GAD1: variants seen among roughly 807,000 people sequenced by gnomAD.
GAD1 encodes 67 kDa glutamic acid decarboxylase.
In GAD1, 35 loss-of-function variants were observed where a neutral mutation model predicts 75.2. The ratio of observed to expected loss-of-function variants is 0.47; its 90% CI spans 0.36 to 0.62. The LOEUF is 0.62. Among genes scored for constraint, GAD1 ranks in the 20% least tolerant of loss-of-function variants. The probability of loss-of-function intolerance (pLI) is 0.00; values close to 1 mark genes in which losing one functional copy is unlikely to be tolerated. For synonymous variants in GAD1, 257 were observed against 271.9 expected, an observed-to-expected ratio of 0.95 and a Z score of 0.54; for missense variants, 490 against 758.5, an observed-to-expected ratio of 0.65 and a Z score of 4.16.
In GAD1 at chr2:170,831,014, A is replaced by G; in HGVS notation, c.369A>G (p.Ile123Met). Reference protein sequence around the residue: ...TVQFLLEVVDILLNYVRKTFD... With the variant: ...TVQFLLEVVDMLLNYVRKTFD... ...AATTCCTCCTGGAAGTGGTGGACAT[A>G]CTCCTCAACTATGTCCGCAAGACAT... The change falls in exon 5 of 17, where the codon ATA (isoleucine) becomes ATG (methionine). Residue 123 changes from isoleucine to methionine, a missense_variant. By Grantham distance (10) the Ile-to-Met change is conservative (BLOSUM62 1). Coordinates refer to ENST00000358196, the MANE Select transcript of GAD1 (RefSeq NM_000817.3). 1 of 1,613,996 alleles carries G rather than the reference A, an allele frequency of 6.2e-7. No individual in the cohort carries two copies.
chr2:170,848,862 G>C, intron 11 of GAD1: 2 of 505,180 alleles, frequency 4.0e-6, no homozygotes, highest in South Asian at 2.9e-5. Context: ...AGGAACTGCT[G>C]CTTTTTGAGT....
chr2:170,858,911 G>A lies in GAD1; in HGVS notation c.1611+18G>A, dbSNP rs1224032911. On this transcript the variant is annotated intron_variant, in intron 16 of 16. Transcript: ENST00000358196. ...TACACAAGGTATGGACTTGCTTTTT[G>A]TCTCATCTAATCCTCTGCAATTTCT... is the stretch of plus-strand genomic sequence containing the variant. 2 of 1,604,068 alleles carry A rather than the reference G, an allele frequency of 1.2e-6. No homozygotes were observed. Among genetic ancestry groups the A allele is most frequent in the South Asian group, 1.1e-5 (1 of 90,820 alleles).
intron 2 of GAD1, among the ~76,000 whole-genome samples, chr2:170,819,138 C>T (rs532831745): frequency 6.6e-6 from 1 of 152,140 alleles, no homozygotes; most frequent in Admixed American, 6.5e-5. Context: ...GCGGAAATTT[C>T]GACGTTAATT....
Position 170,818,797 on chromosome 2 carries a change from A to T in GAD1, c.82+124A>T. The stretch of plus-strand genomic sequence containing the variant: ...GGAGATAATGGAGGCTGGGAAATAA[A>T]TGGGGCTCTGACCCCGTCCCTGCCA... On this transcript the variant is annotated intron_variant, in intron 2 of 16. Transcript: ENST00000358196. The surrounding 1 kb of genome is among the most constrained non-coding windows in gnomAD (Gnocchi z 5.9). 3 of 866,820 alleles carry T rather than the reference A, an allele frequency of 3.5e-6. No individual in the cohort carries two copies. Among genetic ancestry groups the T allele is most frequent in the Non-Finnish European group, 3.7e-6 (2 of 535,460 alleles). 53.7% of individuals were successfully genotyped at this position (866,820 alleles called of 1,614,324 possible). A position where few individuals can be genotyped will look rare whatever the true frequency, so the allele number is the denominator to read the frequency against.
At chr2:170,829,942 G>T (rs560070273) in intron 4 of GAD1, 4 of 372,674 alleles carry the variant, frequency 1.1e-5, no homozygotes, top group Admixed American at 8.5e-5. Context: ...AAAATCTAAT[G>T]ATTTCCTTAA....
chr2:170,841,539 C>A, intron 6 of GAD1, among the ~76,000 whole-genome samples: 1 of 151,598 alleles, frequency 6.6e-6, no homozygotes, highest in South Asian at 2.1e-4. Context: ...CATCTCTACA[C>A]AAAATAAAAT....
chr2:170,851,191 A>T (rs1409520653), intron 12 of GAD1, among the ~76,000 whole-genome samples: 4 of 152,190 alleles, frequency 2.6e-5, no homozygotes, highest in Non-Finnish European at 5.9e-5. Flanking sequence ...TTGAATTCAT[A>T]TTATGTCTTA....
At chr2:170,856,888 G>C (rs186915385) in intron 14 of GAD1, 130 bp from the exon 15 acceptor site, 36 of 776,224 alleles carry the variant, frequency 4.6e-5, no homozygotes, top group Middle Eastern at 3.1e-4. Flanking sequence ...TATTTGATTA[G>C]ATTGTTCTTC....
rs1048495821 is a variant in GAD1, at chr2:170,818,824, A to G, written c.82+151A>G. On this transcript the variant is annotated intron_variant, in intron 2 of 16. Transcript: ENST00000358196. The surrounding 1 kb of genome is among the most constrained non-coding windows in gnomAD (Gnocchi z 5.9). The stretch of plus-strand genomic sequence containing the variant: ...GGGGCTCTGACCCCGTCCCTGCCAG[A>G]GGTCATTCGGCTGTCAGGGACGCTA... The G allele has an allele frequency of 4.3e-6, 3 of 698,236 alleles. No individual in the cohort carries two copies. The African/African-American group carries it at 5.5e-5, about 13-fold the overall frequency. The allele number at this position is 698,236 out of a possible 1,614,324, so 43.3% of individuals were successfully genotyped here.
upstream of GAD1, among the ~76,000 whole-genome samples, chr2:170,813,660 T>C (rs1701648873): frequency 6.6e-6 from 1 of 152,162 alleles, no homozygotes; most frequent in South Asian, 2.1e-4. Flanking sequence ...CGCCTCACGC[T>C]CCTCCTACTC....
chr2:170,836,793 G>A lies in GAD1; in HGVS notation c.548G>A (p.Gly183Asp). The A allele has an allele frequency of 6.2e-7, 1 of 1,611,638 alleles. No homozygotes were observed. The highest frequency in any genetic ancestry group is 1.1e-5 in the South Asian group (1 of 91,032). ...RDTLKYGVRT[G>D]HPRFFNQLST... is the part of the protein sequence containing the mutation. ...TGATGCTTTTCTGTTTCCTATCTAG[G>A]TCATCCTCGATTTTTCAACCAGCTC... Residue 183 changes from glycine (G) to aspartate (D), a missense_variant and splice_region_variant, in exon 6 of 17, where the codon GGT (glycine) becomes GAT (aspartate). Coordinates refer to ENST00000358196, the MANE Select transcript of GAD1 (RefSeq NM_000817.3).
chr2:170,859,669 A>C (rs1368025178), intron 16 of GAD1, 40 bp from the exon 17 acceptor site: 13 of 1,603,090 alleles, frequency 8.1e-6, no homozygotes, highest in Non-Finnish European at 1.0e-5. Context: ...GAGGGTGTTC[A>C]TATCAATCTT....
In GAD1 at chr2:170,818,722, G is replaced by C. The variant is rs1346601504; in HGVS notation, c.82+49G>C. The stretch of plus-strand genomic sequence containing the variant: ...TCAAATGAACTGCAGGGAAGATGGG[G>C]GCGCTGGGACGTCGGGAGGCTGAGC... On this transcript the variant is annotated intron_variant, in intron 2 of 16. Coordinates refer to ENST00000358196, the MANE Select transcript of GAD1 (RefSeq NM_000817.3). The surrounding 1 kb of genome is among the most constrained non-coding windows in gnomAD (Gnocchi z 5.9). The C allele has an allele frequency of 1.3e-6, 2 of 1,571,170 alleles. No homozygotes were observed. Among genetic ancestry groups the C allele is most frequent in the Non-Finnish European group, 8.8e-7 (1 of 1,140,856 alleles).
intron 14 of GAD1, among the ~76,000 whole-genome samples, chr2:170,856,510 G>T (rs1401221918): frequency 1.3e-5 from 2 of 152,316 alleles, no homozygotes; most frequent in South Asian, 4.1e-4. Flanking sequence ...ATTTGTTGTT[G>T]TTGTTGTTGT....
At chr2:170,822,300 C>T in intron 3 of GAD1, 151 bp downstream of exon 3, 1 of 719,828 alleles carries the variant, frequency 1.4e-6, no homozygotes, top group South Asian at 1.7e-5. Context: ...CGACCACGCT[C>T]CCCTACAGGC....
intron 6 of GAD1, chr2:170,842,632 G>A (rs1702542508): frequency 1.2e-6 from 2 of 1,613,974 alleles, no homozygotes. Context: ...ACCAAAGCAT[G>A]ATTGTGACCT....
Position 170,858,906 on chromosome 2 carries a change from T to G in GAD1, c.1611+13T>G, listed in dbSNP as rs200135761. 1 of 1,610,182 alleles carries G rather than the reference T, an allele frequency of 6.2e-7. No homozygotes were observed. The highest frequency in any genetic ancestry group is 2.2e-5 in the East Asian group (1 of 44,858). Reference sequence around the variant, plus strand: ...AAAGCTACACAAGGTATGGACTTGCTTTTTGTCTCATCTAATCCTCTGCAA... The same window carrying G: ...AAAGCTACACAAGGTATGGACTTGCGTTTTGTCTCATCTAATCCTCTGCAA... On this transcript the variant is annotated intron_variant, in intron 16 of 16. Coordinates refer to ENST00000358196, the MANE Select transcript of GAD1 (RefSeq NM_000817.3).
chr2:170,853,021 G>A lies in GAD1; in HGVS notation c.1263+229G>A. On this transcript the variant is annotated intron_variant, in intron 13 of 16. Transcript: ENST00000358196. This position sits in a 1 kb window ranked among gnomAD's most constrained non-coding sequence, Gnocchi z 4.1. ...TTTGATCAGTACTCAGGGTCTGTCAGCAACTGAACCTTTAAGGAAATTATT... is the reference window on the plus strand; with the variant it reads ...TTTGATCAGTACTCAGGGTCTGTCAACAACTGAACCTTTAAGGAAATTATT... The A allele has an allele frequency of 1.7e-6, 1 of 591,780 alleles. No individual in the cohort carries two copies. The highest frequency in any genetic ancestry group is 2.8e-5 in the East Asian group (1 of 35,240). 36.7% of individuals were successfully genotyped at this position (591,780 alleles called of 1,614,324 possible).
chr2:170,842,664 C>T lies in GAD1; in HGVS notation c.639-1381C>T, dbSNP rs544410287. ...ACCTCCAGAGGTGATGGTAACTGCACACATGGTTTCCAAGGGTCTTCCTCC... is the reference window on the plus strand; with the variant it reads ...ACCTCCAGAGGTGATGGTAACTGCATACATGGTTTCCAAGGGTCTTCCTCC... On this transcript the variant is annotated intron_variant, in intron 6 of 16. Coordinates refer to ENST00000358196, the MANE Select transcript of GAD1 (RefSeq NM_000817.3). 5 of 1,613,878 alleles carry T rather than the reference C, an allele frequency of 3.1e-6. No homozygotes were observed. In the East Asian group the frequency reaches 1.1e-4, roughly 36 times the overall value.
Sources: gnomAD v4.1 joint callset for allele counts (sites outside exome capture counted in the v4.1 genomes callset) on GRCh38, gnomAD v4.1.1 for gene constraint, Gnocchi (gnomAD v3.1) non-coding constraint, MANE v1.5 for transcripts, NCBI Gene and HGNC (gene_info 2026-07-23, HGNC 2026-07-21) for gene names.